Variants in CDH13 observed in about 807,000 individuals in gnomAD.
CDH13 encodes cadherin 13, also known as cadherin-13.
CDH13 carries 24 observed loss-of-function variants against 63.8 expected under a neutral mutation model. The ratio of observed to expected loss-of-function variants is 0.38; its 90% confidence interval spans 0.27 to 0.53. The LOEUF (loss-of-function observed/expected upper bound fraction) is 0.53. CDH13 is among the 20% of genes least tolerant of loss of function. The pLI is 0.85. For synonymous variants in CDH13, 503 were observed against 355.3 expected, an observed-to-expected ratio of 1.42 and a Z score of -4.67; for missense variants, 1,049 against 903.1, an observed-to-expected ratio of 1.16 and a Z score of -2.07.
chr16:83,748,936 G>A (rs1443564564), intron 11 of CDH13, among the ~76,000 whole-genome samples: 1 of 152,200 alleles, frequency 6.6e-6, no homozygotes, highest in Non-Finnish European at 1.5e-5. Context: ...CCTCTTAGGA[G>A]AGTGCATGGT....
At position 82,731,659 on chromosome 16, in the gene CDH13, G is replaced by T. The variant is rs540166651; in HGVS notation, c.45+104522G>T. Among the ~76,000 whole-genome samples the T allele has an allele frequency of 2.0e-5, 3 of 152,292 alleles. No homozygotes were observed. The East Asian group carries it at 5.8e-4, about 29-fold the overall frequency. On this transcript the variant is annotated intron_variant, in intron 1 of 13. Transcript: ENST00000567109. ...ATATGGGAACCACACTTGCTCATCA[G>T]TTCTAACTGTAAGTTGGCTACAAGT... is the stretch of plus-strand genomic sequence containing the variant.
At chr16:82,919,653 C>G (rs1168343672) in intron 2 of CDH13, among the ~76,000 whole-genome samples, 3 of 152,108 alleles carry the variant, frequency 2.0e-5, no homozygotes, top group Non-Finnish European at 4.4e-5. Flanking sequence ...GTGAATAGTG[C>G]TATAGTGAAC....
At chr16:82,998,483 A>G (rs940985524) in intron 2 of CDH13, among the ~76,000 whole-genome samples, 2 of 152,138 alleles carry the variant, frequency 1.3e-5, no homozygotes, top group African/African-American at 4.8e-5. Context: ...GGTGATAATA[A>G]AGCATGATGA....
chr16:82,910,479 G>C (rs1456302285), intron 2 of CDH13, among the ~76,000 whole-genome samples: 1 of 152,072 alleles, frequency 6.6e-6, no homozygotes, highest in East Asian at 1.9e-4. Context: ...ATTTATTCAT[G>C]TTTTATTAGA....
intron 1 of CDH13, among the ~76,000 whole-genome samples, chr16:82,656,876 T>A (rs1911355627): frequency 6.6e-6 from 1 of 151,972 alleles, no homozygotes; most frequent in South Asian, 2.1e-4. Flanking sequence ...CTTGGTAACA[T>A]GCATTGAAGT....
intron 2 of CDH13, among the ~76,000 whole-genome samples, chr16:83,014,780 A>ATATTTG (rs1914560184): frequency 8.5e-6 from 1 of 117,900 alleles, no homozygotes; most frequent in Non-Finnish European, 1.7e-5. Context: ...ATATATGTAT[A>ATATTTG]TATATATATT....
intron 2 of CDH13, among the ~76,000 whole-genome samples, chr16:82,958,626 A>G (rs1308243302): frequency 1.3e-5 from 2 of 152,222 alleles, no homozygotes; most frequent in Non-Finnish European, 2.9e-5. Flanking sequence ...GAGATATTAA[A>G]CAGGCATTAG....
chr16:83,662,890 T>C (rs1223809434), intron 8 of CDH13, among the ~76,000 whole-genome samples: 4 of 152,142 alleles, frequency 2.6e-5, no homozygotes, highest in South Asian at 2.1e-4. Flanking sequence ...CCTCGGAGGA[T>C]TGAGAGCAGG....
chr16:82,851,171 C>T (rs2039465395), intron 1 of CDH13, among the ~76,000 whole-genome samples: 1 of 152,094 alleles, frequency 6.6e-6, no homozygotes, highest in African/African-American at 2.4e-5. Flanking sequence ...TACGGTGGCT[C>T]ATGCCTGTAA....
intron 6 of CDH13, among the ~76,000 whole-genome samples, chr16:83,350,559 T>A (rs1201210672): frequency 1.4e-4 from 5 of 35,378 alleles, no homozygotes; most frequent in African/African-American, 8.7e-4. Context: ...TCCCTTTAAT[T>A]TTTTTTTCCA....
At chr16:82,957,513 A>G (rs1014913187) in intron 2 of CDH13, among the ~76,000 whole-genome samples, 10 of 152,174 alleles carry the variant, frequency 6.6e-5, no homozygotes, top group Admixed American at 6.5e-4. Context: ...AAATGATAAA[A>G]TTTAGAGAAG....
At chr16:83,222,048 A>C (rs540601323) in intron 5 of CDH13, among the ~76,000 whole-genome samples, 2 of 152,286 alleles carry the variant, frequency 1.3e-5, no homozygotes, top group East Asian at 3.9e-4. Flanking sequence ...GCTCCATGCC[A>C]AATACTCAGA....
intron 3 of CDH13, among the ~76,000 whole-genome samples, chr16:83,035,653 C>T (rs557590024): frequency 6.6e-6 from 1 of 152,148 alleles, no homozygotes. Context: ...ATGAGCTGGA[C>T]TTTGAAGGAC....
At chr16:82,858,910 G>C (rs2039814486) in intron 2 of CDH13, 1 of 178,502 alleles carries the variant, frequency 5.6e-6, no homozygotes, top group African/African-American at 2.3e-5. Flanking sequence ...GGAATTTTTA[G>C]ACACAGACAT....
intron 1 of CDH13, among the ~76,000 whole-genome samples, chr16:82,640,024 G>A (rs1463148755): frequency 6.6e-6 from 1 of 152,250 alleles, no homozygotes; most frequent in Non-Finnish European, 1.5e-5. Context: ...AGGCAGCAGT[G>A]ATTAAGAAAG....
intron 1 of CDH13, among the ~76,000 whole-genome samples, chr16:82,809,370 T>C (rs565726099): frequency 1.3e-5 from 2 of 151,868 alleles, no homozygotes; most frequent in South Asian, 2.1e-4. Context: ...CCCTGTGCTG[T>C]GCAGAAAGCC....
chr16:83,667,861 C>G (rs912644998), intron 8 of CDH13, among the ~76,000 whole-genome samples: 14 of 152,004 alleles, frequency 9.2e-5, no homozygotes, highest in African/African-American at 2.4e-4. Flanking sequence ...GGGAATCTCA[C>G]TATGTTGCCC....
In CDH13 at chr16:83,052,797, A is replaced by G. The variant is rs1428200113; in HGVS notation, c.366+20579A>G. On this transcript the variant is annotated intron_variant, in intron 3 of 13. Coordinates refer to ENST00000567109, the MANE Select transcript of CDH13 (RefSeq NM_001257.5). The stretch of plus-strand genomic sequence containing the variant: ...ATCTCAAAAAAAAAAAAAAAAAAAA[A>G]AAAAAAAGAAAGAAATTAAACCTTA... Among the ~76,000 whole-genome samples, 86 of 146,480 alleles carry G rather than the reference A, an allele frequency of 5.9e-4. 1 individual carries two copies. The highest frequency in any genetic ancestry group is 2.7e-3 in the East Asian group (14 of 5,156).
In CDH13 at chr16:82,724,495, T is replaced by C. The variant is rs145942150; in HGVS notation, c.45+97358T>C. On this transcript the variant is annotated intron_variant, in intron 1 of 13. Coordinates refer to ENST00000567109, the MANE Select transcript of CDH13 (RefSeq NM_001257.5). ...GACATTTCTTCAGAGTATGATCCCATATATGTTTTGGTAGAGCCTAGATTC... is the reference window on the plus strand; with the variant it reads ...GACATTTCTTCAGAGTATGATCCCACATATGTTTTGGTAGAGCCTAGATTC... Among the ~76,000 whole-genome samples, 1,092 of 152,252 alleles carry C rather than the reference T, an allele frequency of 7.2e-3. 4 individuals are homozygous for C. Among genetic ancestry groups the C allele is most frequent in the Middle Eastern group, 0.01 (3 of 294 alleles).
Sources: gnomAD v4.1 joint callset for allele counts (sites outside exome capture counted in the v4.1 genomes callset) on GRCh38, gnomAD v4.1.1 for gene constraint, MANE v1.5 for transcripts, NCBI Gene and HGNC (gene_info 2026-07-23, HGNC 2026-07-21) for gene names.